MYO9A: variants seen among roughly 807,000 people sequenced by gnomAD.
The protein encoded by MYO9A is unconventional myosin-IXa.
Under a neutral mutation model 293.3 loss-of-function variants are expected in MYO9A, and 103 were observed. The observed-to-expected ratio is 0.35, with a 90% CI of 0.30 to 0.41. The LOEUF (loss-of-function observed/expected upper bound fraction) is 0.41, where lower values mean the gene tolerates loss of function less well. Among genes scored for constraint, MYO9A ranks in the 10% least tolerant of loss-of-function variants. The probability of loss-of-function intolerance (pLI) is 1.00; values close to 1 mark genes in which losing one functional copy is unlikely to be tolerated. For synonymous variants in MYO9A, 1,001 were observed against 1,035.7 expected, an observed-to-expected ratio of 0.97 and a Z score of 0.64; for missense variants, 2,685 against 3,033.0, an observed-to-expected ratio of 0.89 and a Z score of 2.69.
chr15:71,878,234 A>G lies in MYO9A; in HGVS notation c.5740-3T>C, dbSNP rs777006359. 5.0e-5 allele frequency: 76 copies of G among 1,523,382 alleles called. No individual in the cohort carries two copies. Among genetic ancestry groups the G allele is most frequent in the African/African-American group, 7.1e-5 (5 of 70,800 alleles). 94.4% of individuals were successfully genotyped at this position (1,523,382 alleles called of 1,614,324 possible). ...CGTATGCTTTTCCCATCATCCATCT[A>G]TAAGCAATAAGAAAAGAAATGTATG... On this transcript the variant is annotated splice_region_variant and splice_polypyrimidine_tract_variant and intron_variant, in intron 30 of 41. Transcript: ENST00000356056.
In MYO9A at chr15:71,975,507, T is replaced by A. The variant is rs368364805; in HGVS notation, c.1844+2664A>T. ...CTTTTGTTATAATGTTGGGGTGCTTTAGGTCTCAGGAGCAGGTCACAGGAG... is the reference window on the plus strand; with the variant it reads ...CTTTTGTTATAATGTTGGGGTGCTTAAGGTCTCAGGAGCAGGTCACAGGAG... On this transcript the variant is annotated intron_variant, in intron 12 of 41. Transcript: ENST00000356056. Among the ~76,000 whole-genome samples the A allele has an allele frequency of 1.2e-4, 18 of 151,048 alleles. No homozygotes were observed. In the East Asian group the frequency reaches 3.3e-3, roughly 28 times the overall value.
chr15:72,108,247 A>G (rs2080646931), intron 1 of MYO9A, among the ~76,000 whole-genome samples: 1 of 152,208 alleles, frequency 6.6e-6, no homozygotes, highest in Admixed American at 6.5e-5. Context: ...AACTTACATC[A>G]CTGATAGGAG....
intron 19 of MYO9A, among the ~76,000 whole-genome samples, chr15:71,906,481 GA>G (rs1370951801): frequency 6.6e-6 from 1 of 151,950 alleles, no homozygotes; most frequent in Admixed American, 6.6e-5. Flanking sequence ...AGATATTTGG[GA>G]GTTCTGTTAT....
chr15:72,095,751 G>A lies in MYO9A; in HGVS notation c.-72+21929C>T, dbSNP rs180883604. On this transcript the variant is annotated intron_variant, in intron 1 of 41. Transcript: ENST00000356056. ...GACTAAGCTGAAACCAATGCTCATT[G>A]ACCATTCTGAAAATCCTAGGGCTCT... is the stretch of plus-strand genomic sequence containing the variant. 2.3e-5 allele frequency among the ~76,000 whole-genome samples: 2 copies of A among 85,826 alleles called. 1 individual carries two copies. The highest frequency in any genetic ancestry group is 7.3e-5 in the Non-Finnish European group (2 of 27,402). 56.3% of individuals were successfully genotyped at this position (85,826 alleles called of 152,430 possible).
At chr15:71,982,085 TCTCAG>T (rs2076289176) in intron 11 of MYO9A, among the ~76,000 whole-genome samples, 1 of 126,726 alleles carries the variant, frequency 7.9e-6, no homozygotes, top group South Asian at 2.9e-4. Context: ...AGTGGCCCAA[TCTCAG>T]CTCACTGCAA....
chr15:72,100,369 G>A (rs534014538), intron 1 of MYO9A, among the ~76,000 whole-genome samples: 44 of 152,242 alleles, frequency 2.9e-4, no homozygotes, highest in African/African-American at 1.0e-3. Flanking sequence ...GCGTGGTCTC[G>A]GCTCGCTACA....
At chr15:71,945,918 A>ATT (rs2058906025) in intron 15 of MYO9A, among the ~76,000 whole-genome samples, 1 of 152,226 alleles carries the variant, frequency 6.6e-6, no homozygotes, top group Non-Finnish European at 1.5e-5. Flanking sequence ...TTCCTAGGCT[A>ATT]CTAAAAGTTT....
intron 11 of MYO9A, among the ~76,000 whole-genome samples, chr15:71,987,703 C>G (rs1017575836): frequency 6.6e-6 from 1 of 152,210 alleles, no homozygotes; most frequent in Admixed American, 6.5e-5. Flanking sequence ...AACCAAACCA[C>G]AGTCATCATA....
In MYO9A at chr15:72,007,821, C is replaced by T; in HGVS notation, c.1380+5G>A. ...GAAATGACAACTGAAAATGTAATCA[C>T]TCACCTCTAATAATTCTGAGACAAT... On this transcript the variant is annotated splice_donor_5th_base_variant and intron_variant, in intron 8 of 41. Coordinates refer to ENST00000356056, the MANE Select transcript of MYO9A (RefSeq NM_006901.4). 6.2e-7 allele frequency: 1 copy of T among 1,601,730 alleles called. No homozygotes were observed. Among genetic ancestry groups the T allele is most frequent in the Non-Finnish European group, 8.5e-7 (1 of 1,176,636 alleles).
At chr15:72,115,075 G>A (rs1476087041) in intron 1 of MYO9A, among the ~76,000 whole-genome samples, 1 of 151,980 alleles carries the variant, frequency 6.6e-6, no homozygotes, top group Non-Finnish European at 1.5e-5. Flanking sequence ...AAATAACTAA[G>A]GGAAAACAAC....
At chr15:71,953,369 T>C (rs2059099207) in intron 14 of MYO9A, among the ~76,000 whole-genome samples, 1 of 152,218 alleles carries the variant, frequency 6.6e-6, no homozygotes, top group African/African-American at 2.4e-5. Flanking sequence ...TCAGACTCCA[T>C]TCAAATTGTA....
intron 19 of MYO9A, among the ~76,000 whole-genome samples, chr15:71,906,096 A>G (rs572671479): frequency 1.4e-4 from 22 of 152,150 alleles, no homozygotes; most frequent in Non-Finnish European, 2.8e-4. Context: ...TAAAATATGT[A>G]TTATTTAGAA....
intron 24 of MYO9A, 150 bp from the exon 25 acceptor site, chr15:71,899,182 A>G: frequency 1.4e-6 from 1 of 717,224 alleles, no homozygotes; most frequent in Non-Finnish European, 2.2e-6. Flanking sequence ...TGCACATTTC[A>G]TAATTTTCCT....
intron 29 of MYO9A, 61 bp downstream of exon 29, chr15:71,880,274 T>A: frequency 1.5e-6 from 2 of 1,364,406 alleles, no homozygotes; most frequent in Non-Finnish European, 2.1e-6. Flanking sequence ...TATATCCTGA[T>A]ATACACAAGT....
At chr15:71,852,533 T>A (rs113557129) in intron 35 of MYO9A, among the ~76,000 whole-genome samples, 2,636 of 152,144 alleles carry the variant, frequency 0.017, 82 homozygotes, top group African/African-American at 0.06. Context: ...TTAGCTAATT[T>A]TGTATTTTTA....
chr15:71,923,328 A>G (rs1401018326), intron 18 of MYO9A, among the ~76,000 whole-genome samples: 2 of 152,178 alleles, frequency 1.3e-5, no homozygotes, highest in South Asian at 2.1e-4. Context: ...ACTGTCCTAC[A>G]ATTTTCTTTT....
At chr15:72,092,867 G>C (rs2079957442) in intron 1 of MYO9A, among the ~76,000 whole-genome samples, 1 of 150,946 alleles carries the variant, frequency 6.6e-6, no homozygotes, top group African/African-American at 2.4e-5. Flanking sequence ...CCATTTACTT[G>C]TAACAACAAG....
intron 2 of MYO9A, among the ~76,000 whole-genome samples, chr15:72,035,994 T>C (rs1401982817): frequency 1.3e-5 from 2 of 150,636 alleles, no homozygotes; most frequent in East Asian, 1.9e-4. Context: ...TTTAAATTCA[T>C]AGAATTTTAT....
chr15:71,833,255 A>T (rs1167868367), intron 39 of MYO9A, among the ~76,000 whole-genome samples: 3 of 151,968 alleles, frequency 2.0e-5, no homozygotes, highest in African/African-American at 7.2e-5. Flanking sequence ...TATAAGAGAC[A>T]TGTGAATTCA....
Sources: gnomAD v4.1 joint callset for allele counts (sites outside exome capture counted in the v4.1 genomes callset) on GRCh38, gnomAD v4.1.1 for gene constraint, MANE v1.5 for transcripts, NCBI Gene and HGNC (gene_info 2026-07-23, HGNC 2026-07-21) for gene names.